Variants in ABLIM1 observed in about 807,000 individuals in gnomAD.
ABLIM1 encodes actin-binding LIM protein 1.
ABLIM1 carries 40 observed loss-of-function variants against 107.0 expected under a neutral mutation model. The ratio of observed to expected loss-of-function variants is 0.37; its 90% CI spans 0.29 to 0.49. The LOEUF (loss-of-function observed/expected upper bound fraction) is 0.49, where lower values mean the gene tolerates loss of function less well. ABLIM1 is among the 20% of genes least tolerant of loss of function. ABLIM1 has a pLI of 0.97. For missense variants in ABLIM1, 857 were observed against 1,008.5 expected (o/e 0.85, Z 2.04); for synonymous variants, 357 against 357.3 (o/e 1.00, Z 0.01).
At chr10:114,483,187 G>C (rs767219344) in intron 8 of ABLIM1, among the ~76,000 whole-genome samples, 1 of 152,206 alleles carries the variant, frequency 6.6e-6, no homozygotes, top group Non-Finnish European at 1.5e-5. Context: ...AAGGCACTGA[G>C]GCCTGGGGTC....
At chr10:114,616,171 A>G (rs1459904018) in intron 1 of ABLIM1, among the ~76,000 whole-genome samples, 2 of 152,126 alleles carry the variant, frequency 1.3e-5, no homozygotes, top group African/African-American at 4.8e-5. Context: ...TGTCTCTATA[A>G]GAAAAAAAAA....
intron 2 of ABLIM1, among the ~76,000 whole-genome samples, chr10:114,600,729 T>G (rs1311789110): frequency 6.6e-6 from 1 of 151,784 alleles, no homozygotes; most frequent in East Asian, 1.9e-4. Flanking sequence ...ATCTACAGAG[T>G]GCACTCTGAG....
chr10:114,705,068 T>C (rs1428230132), intron 1 of ABLIM1, among the ~76,000 whole-genome samples: 1 of 152,108 alleles, frequency 6.6e-6, no homozygotes, highest in Non-Finnish European at 1.5e-5. Context: ...GTCTGGTTCT[T>C]AGACTAAGCA....
At chr10:114,739,008 G>A (rs1014247352) in intron 1 of ABLIM1, among the ~76,000 whole-genome samples, 9 of 152,162 alleles carry the variant, frequency 5.9e-5, no homozygotes, top group African/African-American at 2.2e-4. Flanking sequence ...AAAATCTCCA[G>A]AATAGGCAGA....
At chr10:114,503,352 G>T (rs1228308731) in intron 6 of ABLIM1, among the ~76,000 whole-genome samples, 2 of 152,122 alleles carry the variant, frequency 1.3e-5, no homozygotes, top group East Asian at 3.9e-4. Flanking sequence ...TTGGTAGGCT[G>T]AAGTGAGAGG....
chr10:114,451,553 TC>T (rs2061903183), intron 14 of ABLIM1, 70 bp downstream of exon 14: 10 of 1,426,632 alleles, frequency 7.0e-6, no homozygotes, highest in African/African-American at 4.2e-5. Context: ...GAAAAGCCTT[TC>T]AGAGGACAGC....
intron 1 of ABLIM1, among the ~76,000 whole-genome samples, chr10:114,672,527 G>C (rs2080301010): frequency 6.6e-6 from 1 of 152,132 alleles, no homozygotes; most frequent in African/African-American, 2.4e-5. Flanking sequence ...TTGGATATGA[G>C]TATGTTTTCA....
chr10:114,569,345 G>A (rs563239455), intron 4 of ABLIM1, among the ~76,000 whole-genome samples: 3 of 151,028 alleles, frequency 2.0e-5, no homozygotes, highest in South Asian at 4.2e-4. Flanking sequence ...TTGAGATGGA[G>A]TTTTGCTCTT....
chr10:114,550,680 A>T (rs901550351), intron 4 of ABLIM1, among the ~76,000 whole-genome samples: 2 of 152,068 alleles, frequency 1.3e-5, no homozygotes, highest in Non-Finnish European at 2.9e-5. Context: ...TAGTGTCACT[A>T]CCCTAAAAAC....
intron 6 of ABLIM1, among the ~76,000 whole-genome samples, chr10:114,533,994 A>G (rs1462358024): frequency 6.6e-6 from 1 of 152,196 alleles, no homozygotes; most frequent in Non-Finnish European, 1.5e-5. Context: ...TACCTTGTGC[A>G]CTGAGAGACA....
chr10:114,637,571 G>A (rs2078542117), intron 1 of ABLIM1, among the ~76,000 whole-genome samples: 2 of 152,128 alleles, frequency 1.3e-5, no homozygotes, highest in African/African-American at 4.8e-5. Context: ...CTTCTCCATG[G>A]TCTTTTTCAA....
chr10:114,795,633 C>T, the ABLIM1 span, among the ~76,000 whole-genome samples: 4 of 151,190 alleles, frequency 2.6e-5, no homozygotes, highest in East Asian at 1.9e-4. Context: ...TGCTTGAACA[C>T]GGGAGGCAAA....
At chr10:114,603,652 G>A (rs6585290) in intron 1 of ABLIM1, among the ~76,000 whole-genome samples, 103,560 of 148,156 alleles carry the variant, frequency 0.7, 35,972 homozygotes, top group East Asian at 0.81. Flanking sequence ...AAAAAAAAAA[G>A]AAGAAGAAAA....
At chr10:114,650,802 T>C (rs2079204431) in intron 1 of ABLIM1, among the ~76,000 whole-genome samples, 1 of 152,238 alleles carries the variant, frequency 6.6e-6, no homozygotes, top group Non-Finnish European at 1.5e-5. Context: ...AAACTAATTG[T>C]ATTTGTTATC....
At chr10:114,575,107 T>G (rs1317663458) in intron 3 of ABLIM1, among the ~76,000 whole-genome samples, 1 of 152,226 alleles carries the variant, frequency 6.6e-6, no homozygotes, top group African/African-American at 2.4e-5. Flanking sequence ...AGCTTTATCC[T>G]TCTAAGCAGT....
chr10:114,767,915 G>GGCCCCCGGCA (rs1555235040), intron 1 of ABLIM1: 1 of 309,254 alleles, frequency 3.2e-6, no homozygotes, highest in Non-Finnish European at 6.5e-6. Context: ...CCCTGCCCCC[G>GGCCCCCGGCA]GCCCCCGGCA....
At chr10:114,787,740 G>A in the ABLIM1 span, among the ~76,000 whole-genome samples, 7,320 of 41,778 alleles carry the variant, frequency 0.18, 1,722 homozygotes, top group Middle Eastern at 0.31. Flanking sequence ...CAGCCGCCCC[G>A]TCCGGGAGGT....
At chr10:114,437,772 A>T in intron 22 of ABLIM1, 72 bp downstream of exon 22, 2 of 1,283,298 alleles carry the variant, frequency 1.6e-6, no homozygotes, top group Non-Finnish European at 2.2e-6. Context: ...GAAATAAAAC[A>T]TTGCTTAGGG....
chr10:114,727,890 AC>A (rs1223802666), intron 1 of ABLIM1, among the ~76,000 whole-genome samples: 7 of 152,168 alleles, frequency 4.6e-5, no homozygotes, highest in Admixed American at 4.6e-4. Context: ...GCCACATTGC[AC>A]TCCAGCCTGG....
Sources: allele counts gnomAD v4.1 joint callset (sites outside exome capture counted in the v4.1 genomes callset), GRCh38; gene constraint gnomAD v4.1.1; transcripts MANE v1.5; gene names NCBI Gene and HGNC (gene_info 2026-07-23, HGNC 2026-07-21).